The following C11orf58 variants were observed in gnomAD, a reference collection of about 807,000 sequenced individuals.
C11orf58 encodes small acidic protein.
Under a neutral mutation model 22.7 loss-of-function variants are expected in C11orf58, and 5 were observed. That is an observed-to-expected ratio of 0.22 (90% CI 0.12 to 0.46). The LOEUF (loss-of-function observed/expected upper bound fraction) is 0.46, where lower values mean the gene tolerates loss of function less well. Among genes scored for constraint, C11orf58 ranks in the 20% least tolerant of loss-of-function variants. The pLI is 0.99. For missense variants in C11orf58, 151 were observed against 223.3 expected (o/e 0.68, Z 2.06); for synonymous variants, 71 against 70.7 (o/e 1.00, Z -0.02).
At chr11:16,753,967 T>C in intron 4 of C11orf58, 1 of 542,022 alleles carries the variant, frequency 1.8e-6, no homozygotes, top group Non-Finnish European at 3.4e-6. Flanking sequence ...GTGCTGGAAC[T>C]ACAGGTGTGA....
At chr11:16,744,337 A>AAT in intron 1 of C11orf58, 2 of 369,956 alleles carry the variant, frequency 5.4e-6, no homozygotes, top group South Asian at 7.5e-5. Context: ...CTGTTTTAAC[A>AAT]AGCCCTCTAG....
At chr11:16,748,226 A>C in intron 3 of C11orf58, 69 bp downstream of exon 3, 1 of 1,316,202 alleles carries the variant, frequency 7.6e-7, no homozygotes, top group Non-Finnish European at 1.1e-6. Context: ...TTCATGTTTC[A>C]GGATATTCTA....
intron 4 of C11orf58, among the ~76,000 whole-genome samples, chr11:16,753,142 G>A (rs1848547011): frequency 2.0e-5 from 3 of 152,110 alleles, no homozygotes; most frequent in Non-Finnish European, 4.4e-5. Flanking sequence ...CCAGGCTGGA[G>A]TGCAGTGGTG....
intron 1 of C11orf58, 98 bp downstream of exon 1, chr11:16,738,939 G>A (rs1590071031): frequency 3.0e-6 from 4 of 1,347,740 alleles, no homozygotes; most frequent in East Asian, 4.7e-5. Context: ...GAGGTGGCCT[G>A]CAGCGGGAGA....
Position 16,743,555 on chromosome 11 carries a change from G to A in C11orf58, c.64-1046G>A, listed in dbSNP as rs188326502. Among the ~76,000 whole-genome samples the A allele has an allele frequency of 7.2e-5, 11 of 152,042 alleles. No individual in the cohort carries two copies. The East Asian group carries it at 7.7e-4, about 11-fold the overall frequency. ...CTTTCATTTTGCATTCACCTTCTTCGTCTAATAATGATTAATGCCTTCTGT... is the reference window on the plus strand; with the variant it reads ...CTTTCATTTTGCATTCACCTTCTTCATCTAATAATGATTAATGCCTTCTGT... On this transcript the variant is annotated intron_variant, in intron 1 of 4. Transcript: ENST00000228136.
At chr11:16,751,182 C>T (rs1460176897) in intron 3 of C11orf58, 3 of 152,128 alleles carry the variant, frequency 2.0e-5, no homozygotes, top group African/African-American at 4.8e-5. Context: ...CAGCACATTT[C>T]GTTGACACAG....
At chr11:16,741,387 AGTC>A (rs1323844945) in intron 1 of C11orf58, among the ~76,000 whole-genome samples, 1 of 152,230 alleles carries the variant, frequency 6.6e-6, no homozygotes, top group Non-Finnish European at 1.5e-5. Context: ...ACAACTTAAA[AGTC>A]GTTTCATTGG....
intron 1 of C11orf58, among the ~76,000 whole-genome samples, chr11:16,742,580 T>C (rs1455830068): frequency 2.6e-5 from 4 of 152,142 alleles, no homozygotes; most frequent in African/African-American, 9.7e-5. Flanking sequence ...TATGAGAGCA[T>C]ATAAGCCCTT....
intron 4 of C11orf58, chr11:16,753,931 T>C: frequency 1.8e-6 from 1 of 566,354 alleles, no homozygotes; most frequent in Non-Finnish European, 3.2e-6. Flanking sequence ...AACTCCTGGG[T>C]TCAAGCGATC....
Position 16,756,595 on chromosome 11 carries a change from ATTC to A in C11orf58, c.*1494_*1496del, listed in dbSNP as rs1049140779. ...TGGAGTGTTGGAATTTTTAAAAATT[ATTC>A]TTATGTCACTTTGAAATGTAGAACG... On this transcript the variant is annotated 3_prime_UTR_variant, in exon 5 of 5. Coordinates refer to ENST00000228136, the MANE Select transcript of C11orf58 (RefSeq NM_014267.6). 3.3e-5 allele frequency among the ~76,000 whole-genome samples: 5 copies of A among 150,748 alleles called. No individual in the cohort carries two copies. The highest frequency in any genetic ancestry group is 7.3e-5 in the African/African-American group (3 of 41,148).
intron 3 of C11orf58, chr11:16,751,552 C>T (rs987083765): frequency 4.0e-5 from 6 of 151,706 alleles, no homozygotes; most frequent in Admixed American, 6.6e-5. Flanking sequence ...TCTGTCACCT[C>T]AGGGGAGAAC....
chr11:16,754,570 T>TCCC (rs1848560060), intron 4 of C11orf58, among the ~76,000 whole-genome samples: 1 of 105,790 alleles, frequency 9.5e-6, no homozygotes, highest in African/African-American at 3.8e-5. Context: ...TTTTTTTTTT[T>TCCC]TTTTTTTTTT....
chr11:16,744,287 C>T, intron 1 of C11orf58: 1 of 268,292 alleles, frequency 3.7e-6, no homozygotes, highest in Non-Finnish European at 7.1e-6. Flanking sequence ...TAGAGCTCCA[C>T]CCCAGACCCG....
rs1848573186 is a variant in C11orf58, at chr11:16,755,885, T to C, written c.*781T>C. 6.6e-6 allele frequency: 1 copy of C among 152,608 alleles called. No homozygotes were observed. Among genetic ancestry groups the C allele is most frequent in the Non-Finnish European group, 1.5e-5 (1 of 68,038 alleles). 9.5% of individuals were successfully genotyped at this position (152,608 alleles called of 1,614,324 possible). On this transcript the variant is annotated 3_prime_UTR_variant, in exon 5 of 5. Transcript: ENST00000228136. ...CCCAAAGGTCTAAATAAAGAGCAGTTTCCCATATTTGGCTGTGATACCTTT... is the reference window on the plus strand; with the variant it reads ...CCCAAAGGTCTAAATAAAGAGCAGTCTCCCATATTTGGCTGTGATACCTTT...
At position 16,755,011 on chromosome 11, in the gene C11orf58, T is replaced by A. The variant is rs2134076378; in HGVS notation, c.459T>A (p.Ala153=). ...EKEESAEELQ[A]AEHPDEVEDP... ...AAGAATCTGCTGAAGAACTCCAAGC[T>A]GCTGAGCACCCTGATGAAGTGGAGG... is the stretch of plus-strand genomic sequence containing the variant. Residue 153 remains alanine, a synonymous_variant, in exon 5 of 5, where the codon GCT becomes GCA. Transcript: ENST00000228136. The A allele has an allele frequency of 6.2e-7, 1 of 1,614,120 alleles. No homozygotes were observed. Among genetic ancestry groups the A allele is most frequent in the South Asian group, 1.1e-5 (1 of 91,082 alleles).
Position 16,744,638 on chromosome 11 carries a change from A to G in C11orf58, c.101A>G (p.Asn34Ser). 6.2e-7 allele frequency: 1 copy of G among 1,614,036 alleles called. No individual in the cohort carries two copies. The highest frequency in any genetic ancestry group is 8.5e-7 in the Non-Finnish European group (1 of 1,179,952). ...SSNWEAADLGNEERKQKFLRL... is the reference protein window; with the variant it reads ...SSNWEAADLGSEERKQKFLRL... ...AATTGGGAGGCAGCAGACTTGGGTA[A>G]TGAAGAGAGAAAACAAAAGTTCTTG... The change falls in exon 2 of 5, where the codon AAT becomes AGT. Residue 34 changes from asparagine to serine, a missense_variant. Coordinates refer to ENST00000228136, the MANE Select transcript of C11orf58 (RefSeq NM_014267.6).
At position 16,756,263 on chromosome 11, in the gene C11orf58, A is replaced by ATTTTTTTTTTTTTTTTTTT. The variant is rs779195786; in HGVS notation, c.*1165_*1183dup. ...TTAAAGGATGTATTTGGAGTGTTGG[A>ATTTTTTTTTTTTTTTTTTT]TTTTTTTTTTTTTTTTTTTTTTTTG... On this transcript the variant is annotated 3_prime_UTR_variant, in exon 5 of 5. Transcript: ENST00000228136. 1.0e-5 allele frequency: 1 copy of ATTTTTTTTTTTTTTTTTTT among 95,670 alleles called. No homozygotes were observed. The highest frequency in any genetic ancestry group is 4.0e-5 in the African/African-American group (1 of 24,982). The allele number at this position is 95,670 out of a possible 1,614,324, so 5.9% of individuals were successfully genotyped here. A position where few individuals can be genotyped will look rare whatever the true frequency, so the allele number is the denominator to read the frequency against.
Position 16,744,535 on chromosome 11 carries a change from A to C in C11orf58, c.64-66A>C, listed in dbSNP as rs1848473873. On this transcript the variant is annotated intron_variant, in intron 1 of 4. Coordinates refer to ENST00000228136, the MANE Select transcript of C11orf58 (RefSeq NM_014267.6). Reference sequence around the variant, plus strand: ...GGAAAAAAACTTGAGAGTTACAGGTAGACTTTAGATTTCGTAATACTTATT... The same window carrying C: ...GGAAAAAAACTTGAGAGTTACAGGTCGACTTTAGATTTCGTAATACTTATT... 6 of 1,286,582 alleles carry C rather than the reference A, an allele frequency of 4.7e-6. No homozygotes were observed. In the South Asian group the frequency reaches 6.2e-5, roughly 13 times the overall value. The allele number at this position is 1,286,582 out of a possible 1,614,324, so 79.7% of individuals were successfully genotyped here. A position where few individuals can be genotyped will look rare whatever the true frequency, so the allele number is the denominator to read the frequency against.
At chr11:16,753,563 A>G (rs1401037239) in intron 4 of C11orf58, among the ~76,000 whole-genome samples, 1 of 151,774 alleles carries the variant, frequency 6.6e-6, no homozygotes. Flanking sequence ...GGGTTTCACC[A>G]TGTTGCCCAG....
Sources: gnomAD v4.1 joint callset for allele counts (sites outside exome capture counted in the v4.1 genomes callset) on GRCh38, gnomAD v4.1.1 for gene constraint, MANE v1.5 for transcripts, NCBI Gene and HGNC (gene_info 2026-07-23, HGNC 2026-07-21) for gene names.